LARGE1: variants seen among roughly 807,000 people sequenced by gnomAD.
LARGE1 encodes LARGE xylosyl- and glucuronyltransferase 1.
Under a neutral mutation model 87.6 loss-of-function variants are expected in LARGE1, and 43 were observed. The ratio of observed to expected loss-of-function variants is 0.49; its 90% confidence interval spans 0.38 to 0.63. The LOEUF is 0.63. LARGE1 is among the 30% of genes least tolerant of loss of function. LARGE1 has a pLI of 0.00. For synonymous variants in LARGE1, 434 were observed against 394.6 expected (o/e 1.10, Z -1.18); for missense variants, 802 against 1,000.2 (o/e 0.80, Z 2.67).
At chr22:33,761,727 A>G (rs930671283) in intron 1 of LARGE1, among the ~76,000 whole-genome samples, 169 bp from the exon 2 acceptor site, 2 of 151,650 alleles carry the variant, frequency 1.3e-5, no homozygotes, top group South Asian at 4.1e-4. Context: ...TTCAAAACTG[A>G]GACAATAAAT....
At chr22:33,094,905 G>A in the LARGE1 span, among the ~76,000 whole-genome samples, 1 of 152,148 alleles carries the variant, frequency 6.6e-6, no homozygotes, top group Non-Finnish European at 1.5e-5. Flanking sequence ...TTTTAGTAGA[G>A]ATAGGGTTTC....
At chr22:33,089,314 T>TTTA in the LARGE1 span, among the ~76,000 whole-genome samples, 2 of 115,776 alleles carry the variant, frequency 1.7e-5, no homozygotes, top group African/African-American at 6.0e-5. Context: ...CTTCTTCTTC[T>TTTA]TTCTTCTTTC....
the LARGE1 span, among the ~76,000 whole-genome samples, chr22:33,140,712 G>A: frequency 6.6e-6 from 1 of 152,094 alleles, no homozygotes; most frequent in African/African-American, 2.4e-5. Flanking sequence ...GGTTTGCCAG[G>A]GGCTCTCAGG....
intron 2 of LARGE1, among the ~76,000 whole-genome samples, chr22:33,720,437 C>T (rs573506856): frequency 6.6e-6 from 1 of 152,092 alleles, no homozygotes; most frequent in Non-Finnish European, 1.5e-5. Flanking sequence ...CGGACTGGTA[C>T]CAGGGGCTGA....
At chr22:33,802,641 C>G (rs2267290) in intron 1 of LARGE1, among the ~76,000 whole-genome samples, 63,205 of 151,914 alleles carry the variant, frequency 0.42, 14,463 homozygotes, top group African/African-American at 0.61. Context: ...TGACAAGTAA[C>G]TCTTATTTGT....
At chr22:33,088,452 A>T in the LARGE1 span, among the ~76,000 whole-genome samples, 2 of 152,218 alleles carry the variant, frequency 1.3e-5, no homozygotes, top group Non-Finnish European at 2.9e-5. Context: ...TTTAAAACAC[A>T]GTCCAAATGT....
intron 6 of LARGE1, among the ~76,000 whole-genome samples, chr22:33,539,168 T>C (rs573044386): frequency 6.6e-6 from 1 of 152,268 alleles, no homozygotes; most frequent in Admixed American, 6.5e-5. Flanking sequence ...TATTTCTGAC[T>C]GTAGGATACA....
intron 1 of LARGE1, among the ~76,000 whole-genome samples, chr22:33,840,638 G>A (rs529561037): frequency 6.6e-6 from 1 of 151,434 alleles, no homozygotes; most frequent in East Asian, 1.9e-4. Context: ...AGTACAGACA[G>A]TCCCCGATTT....
chr22:33,345,644 G>A (rs2146676589), intron 9 of LARGE1, among the ~76,000 whole-genome samples: 1 of 152,304 alleles, frequency 6.6e-6, no homozygotes, highest in Non-Finnish European at 1.5e-5. Context: ...GGCCTCTACT[G>A]AGCCAGAGAA....
intron 7 of LARGE1, among the ~76,000 whole-genome samples, chr22:33,400,369 T>C (rs1372885652): frequency 6.6e-6 from 1 of 152,054 alleles, no homozygotes; most frequent in Non-Finnish European, 1.5e-5. Context: ...TGCAGTAGCA[T>C]AGAACAGCAC....
chr22:33,422,846 T>A (rs368604480), intron 7 of LARGE1, among the ~76,000 whole-genome samples: 2 of 152,014 alleles, frequency 1.3e-5, no homozygotes, highest in African/African-American at 4.8e-5. Flanking sequence ...TGCTAAACCA[T>A]TCATGAGAAA....
intron 1 of LARGE1, among the ~76,000 whole-genome samples, chr22:33,886,342 A>G (rs562462810): frequency 6.6e-6 from 1 of 152,336 alleles, no homozygotes; most frequent in African/African-American, 2.4e-5. Context: ...CTGGCAGAGA[A>G]TCTAGTTTGG....
chr22:33,617,079 G>T (rs1232028634), intron 4 of LARGE1, among the ~76,000 whole-genome samples: 1 of 152,206 alleles, frequency 6.6e-6, no homozygotes, highest in Non-Finnish European at 1.5e-5. Flanking sequence ...TCCCTAGGGG[G>T]ATGTGCTAAG....
Position 33,360,187 on chromosome 22 carries a change from C to G in LARGE1, c.1131+21732G>C, listed in dbSNP as rs910838074. Among the ~76,000 whole-genome samples the G allele has an allele frequency of 3.3e-5, 5 of 149,312 alleles. No individual in the cohort carries two copies. The East Asian group carries it at 5.8e-4, about 17-fold the overall frequency. On this transcript the variant is annotated intron_variant, in intron 9 of 14. Coordinates refer to ENST00000397394, the MANE Select transcript of LARGE1 (RefSeq NM_133642.5). ...AATTAGCCAGGCGTAGTGACGTGTG[C>G]CTGTAGTCCCAGCTACTTGGGAGGT...
chr22:33,355,401 C>A (rs192128845), intron 9 of LARGE1, among the ~76,000 whole-genome samples: 2 of 152,338 alleles, frequency 1.3e-5, no homozygotes, highest in African/African-American at 4.8e-5. Context: ...CCCTTGCATA[C>A]AACGGGCACT....
chr22:33,822,815 G>A (rs1253947778), intron 1 of LARGE1, among the ~76,000 whole-genome samples: 1 of 152,170 alleles, frequency 6.6e-6, no homozygotes, highest in Non-Finnish European at 1.5e-5. Context: ...GTCACACGTA[G>A]GAATGATCTT....
intron 9 of LARGE1, among the ~76,000 whole-genome samples, chr22:33,365,054 GTTTTTA>G (rs2064538291): frequency 6.6e-6 from 1 of 151,968 alleles, no homozygotes; most frequent in African/African-American, 2.4e-5. Context: ...TTATTTTTAT[GTTTTTA>G]TTTTTGATAT....
intron 6 of LARGE1, among the ~76,000 whole-genome samples, chr22:33,512,165 T>C (rs2071086480): frequency 6.6e-6 from 1 of 152,210 alleles, no homozygotes; most frequent in Admixed American, 6.5e-5. Flanking sequence ...AGGAAACTGA[T>C]ATTGTAGATT....
chr22:33,687,141 G>A (rs2081968985), intron 2 of LARGE1, among the ~76,000 whole-genome samples: 1 of 149,730 alleles, frequency 6.7e-6, no homozygotes, highest in South Asian at 2.1e-4. Flanking sequence ...GCTCCAAGAT[G>A]ACCACCTCTT....
Sources: gnomAD v4.1 joint callset for allele counts (sites outside exome capture counted in the v4.1 genomes callset) on GRCh38, gnomAD v4.1.1 for gene constraint, MANE v1.5 for transcripts, NCBI Gene and HGNC (gene_info 2026-07-23, HGNC 2026-07-21) for gene names.